TCN2: variants seen among roughly 807,000 people sequenced by gnomAD.
The protein encoded by TCN2 is transcobalamin-2.
In TCN2, 34 loss-of-function variants were observed where a neutral mutation model predicts 48.6. The ratio of observed to expected loss-of-function variants is 0.70; its 90% CI spans 0.53 to 0.93. TCN2 has a LOEUF of 0.93. TCN2 is among the 40% of genes least tolerant of loss of function. The pLI, the probability that TCN2 is intolerant of heterozygous loss-of-function variation, is 0.00. For synonymous variants in TCN2, 283 were observed against 212.5 expected (o/e 1.33, Z -2.89); for missense variants, 652 against 526.1 (o/e 1.24, Z -2.34).
chr22:30,615,622 C>A lies in TCN2; in HGVS notation c.775C>A (p.Arg259Ser). 6.2e-7 allele frequency: 1 copy of A among 1,614,124 alleles called. No homozygotes were observed. The highest frequency in any genetic ancestry group is 1.3e-5 in the African/African-American group (1 of 75,038). ...CCAGTTCCTCATGACTTCCCCCATGCGTGGGGCAGAACTGGGAACAGCATG... is the reference window on the plus strand; with the variant it reads ...CCAGTTCCTCATGACTTCCCCCATGAGTGGGGCAGAACTGGGAACAGCATG... ...ALQFLMTSPM[R>S]GAELGTACLK... The change falls in exon 6 of 9, where the codon CGT (arginine) becomes AGT (serine). Residue 259 changes from arginine to serine, a missense_variant. Coordinates refer to ENST00000215838, the MANE Select transcript of TCN2 (RefSeq NM_000355.4).
chr22:30,617,564 G>A, intron 7 of TCN2, 69 bp downstream of exon 7: 1 of 1,605,434 alleles, frequency 6.2e-7, no homozygotes, highest in South Asian at 1.1e-5. Context: ...TCACAGAAGA[G>A]ACGGGGAACA....
chr22:30,609,745 T>C (rs971146335), intron 1 of TCN2, among the ~76,000 whole-genome samples: 4 of 152,142 alleles, frequency 2.6e-5, no homozygotes, highest in African/African-American at 7.2e-5. Flanking sequence ...CAGTCTCTCT[T>C]AACATCTGGT....
rs956608022 is a variant in TCN2, at chr22:30,626,619, C to T, written c.*98C>T. ...ACAGGAACTCGCCTGACCCTGCTGC[C>T]ACCTCCTGTGCACTTTGAGCAATGC... On this transcript the variant is annotated 3_prime_UTR_variant, in exon 9 of 9. Coordinates refer to ENST00000215838, the MANE Select transcript of TCN2 (RefSeq NM_000355.4). 92 of 1,364,412 alleles carry T rather than the reference C, an allele frequency of 6.7e-5. No individual in the cohort carries two copies. Among genetic ancestry groups the T allele is most frequent in the Non-Finnish European group, 9.1e-5 (88 of 965,914 alleles). The allele number at this position is 1,364,412 out of a possible 1,614,324, so 84.5% of individuals were successfully genotyped here. A position where few individuals can be genotyped will look rare whatever the true frequency, so the allele number is the denominator to read the frequency against.
Position 30,623,973 on chromosome 22 carries a change from T to TATATACACAC in TCN2, c.1222+895_1222+896insCACACATATA, listed in dbSNP as rs2087759702. Among the ~76,000 whole-genome samples, 7 of 15,128 alleles carry TATATACACAC rather than the reference T, an allele frequency of 4.6e-4. 3 individuals carry two copies. The highest frequency in any genetic ancestry group is 7.8e-4 in the Non-Finnish European group (7 of 8,968). The allele number at this position is 15,128 out of a possible 152,430, so 9.9% of individuals were successfully genotyped here. A position where few individuals can be genotyped will look rare whatever the true frequency, so the allele number is the denominator to read the frequency against. ...ATATGTATACATATATACACACACA[T>TATATACACAC]ATATATGTATACATATATACACACA... On this transcript the variant is annotated intron_variant, in intron 8 of 8. Transcript: ENST00000215838.
intron 7 of TCN2, among the ~76,000 whole-genome samples, chr22:30,620,783 C>T (rs1281204742): frequency 6.6e-6 from 1 of 152,202 alleles, no homozygotes; most frequent in African/African-American, 2.4e-5. Flanking sequence ...ATGGATGCCT[C>T]AACTGGGTTC....
chr22:30,616,076 A>ATGG (rs2087609887), intron 6 of TCN2, among the ~76,000 whole-genome samples: 1 of 147,094 alleles, frequency 6.8e-6, no homozygotes, highest in Non-Finnish European at 1.5e-5. Context: ...TGGATGGATG[A>ATGG]GGAGAGACAC....
At position 30,623,933 on chromosome 22, in the gene TCN2, T is replaced by TATATACACACACATATATGTATAC. The variant is rs2087755660; in HGVS notation, c.1222+863_1222+864insTATATGTATACATATACACACACA. ...ATATACACACATATATATGTATACA[T>TATATACACACACATATATGTATAC]ATATACACACACACATATGTATACA... is the stretch of plus-strand genomic sequence containing the variant. On this transcript the variant is annotated intron_variant, in intron 8 of 8. Coordinates refer to ENST00000215838, the MANE Select transcript of TCN2 (RefSeq NM_000355.4). Among the ~76,000 whole-genome samples, 2 of 79,428 alleles carry TATATACACACACATATATGTATAC rather than the reference T, an allele frequency of 2.5e-5. 1 individual carries two copies. The highest frequency in any genetic ancestry group is 2.9e-4 in the Admixed American group (2 of 6,966). The allele number at this position is 79,428 out of a possible 152,430, so 52.1% of individuals were successfully genotyped here.
intron 6 of TCN2, among the ~76,000 whole-genome samples, chr22:30,616,982 A>G (rs537533326): frequency 1.4e-4 from 21 of 152,272 alleles, no homozygotes; most frequent in Admixed American, 9.2e-4. Flanking sequence ...GGTAACAGAG[A>G]TGCGTTGTGA....
rs778621929 is a variant in TCN2 at position 30,611,069 on chromosome 22, G to A, written c.257+6G>A. The A allele has an allele frequency of 1.2e-6, 2 of 1,613,998 alleles. No individual in the cohort carries two copies. Among genetic ancestry groups the A allele is most frequent in the East Asian group, 2.2e-5 (1 of 44,866 alleles). ...TACCAGCAGTGCCTCCTAGGGTATT[G>A]CCACACTCTCTTTTTCCATGTCTTG... On this transcript the variant is annotated splice_donor_region_variant and intron_variant, in intron 2 of 8. Transcript: ENST00000215838.
intron 2 of TCN2, 36 bp downstream of exon 2, chr22:30,611,099 AC>A: frequency 6.2e-7 from 1 of 1,613,314 alleles, no homozygotes; most frequent in Non-Finnish European, 8.5e-7. Context: ...GTCTTGCTCC[AC>A]ATACTAAGAG....
intron 7 of TCN2, 79 bp from the exon 8 acceptor site, chr22:30,622,889 C>T (rs1205085557): frequency 6.9e-7 from 1 of 1,450,520 alleles, no homozygotes; most frequent in East Asian, 2.3e-5. Flanking sequence ...AGGGATTTTG[C>T]TGCTGTGGGT....
chr22:30,614,585 C>T, intron 4 of TCN2, 84 bp downstream of exon 4: 1 of 1,572,374 alleles, frequency 6.4e-7, no homozygotes. Flanking sequence ...ACCCTGGCCC[C>T]CACACTCACC....
intron 8 of TCN2, chr22:30,623,341 T>C: frequency 2.1e-6 from 1 of 466,494 alleles, no homozygotes; most frequent in South Asian, 2.4e-5. Context: ...ACCTAGGATA[T>C]ACTACCTAGG....
intron 4 of TCN2, among the ~76,000 whole-genome samples, chr22:30,615,082 G>C (rs757874): frequency 6.6e-6 from 1 of 152,068 alleles, no homozygotes; most frequent in South Asian, 2.1e-4. Context: ...GCCCAGAAAT[G>C]AGCAGTTTCC....
At position 30,623,841 on chromosome 22, in the gene TCN2, C is replaced by CATGCACACATATATATGTAT. The variant is rs1162180833; in HGVS notation, c.1222+759_1222+760insTGCACACATATATATGTATA. On this transcript the variant is annotated intron_variant, in intron 8 of 8. Transcript: ENST00000215838. ...ACACACATACACACACATATACACA[C>CATGCACACATATATATGTAT]ACATACATACACATACATACACACA... 5.7e-5 allele frequency among the ~76,000 whole-genome samples: 4 copies of CATGCACACATATATATGTAT among 70,760 alleles called. 1 individual carries two copies. Among genetic ancestry groups the CATGCACACATATATATGTAT allele is most frequent in the South Asian group, 3.1e-4 (1 of 3,216 alleles). The allele number at this position is 70,760 out of a possible 152,430, so 46.4% of individuals were successfully genotyped here. A position where few individuals can be genotyped will look rare whatever the true frequency, so the allele number is the denominator to read the frequency against.
At chr22:30,617,553 G>T in intron 7 of TCN2, 58 bp downstream of exon 7, 1 of 1,611,480 alleles carries the variant, frequency 6.2e-7, no homozygotes, top group South Asian at 1.1e-5. Context: ...TGATAACAGG[G>T]TCACAGAAGA....
At chr22:30,623,487 A>T (rs1489805141) in intron 8 of TCN2, among the ~76,000 whole-genome samples, 4 of 151,798 alleles carry the variant, frequency 2.6e-5, no homozygotes, top group Non-Finnish European at 4.4e-5. Flanking sequence ...CTAGAGCCCA[A>T]GTGGTCTGCC....
intron 6 of TCN2, among the ~76,000 whole-genome samples, chr22:30,616,676 C>T (rs576756349): frequency 7.1e-4 from 108 of 151,980 alleles, no homozygotes; most frequent in Non-Finnish European, 9.4e-4. Context: ...TGGTAGACAC[C>T]TATAATCCCA....
rs2087824016 is a variant in TCN2 at position 30,627,266 on chromosome 22, A to T, written c.*745A>T. Reference sequence around the variant, plus strand: ...CACTCACTCGCTAGATACTATCTTGAACTGCTCTGTGAGGTTGTTGATATT... The same window carrying T: ...CACTCACTCGCTAGATACTATCTTGTACTGCTCTGTGAGGTTGTTGATATT... On this transcript the variant is annotated 3_prime_UTR_variant, in exon 9 of 9. Coordinates refer to ENST00000215838, the MANE Select transcript of TCN2 (RefSeq NM_000355.4). The T allele has an allele frequency of 6.5e-6, 1 of 154,276 alleles. No homozygotes were observed. Among genetic ancestry groups the T allele is most frequent in the Non-Finnish European group, 1.4e-5 (1 of 69,470 alleles). 9.6% of individuals were successfully genotyped at this position (154,276 alleles called of 1,614,324 possible).
Sources: allele counts gnomAD v4.1 joint callset (sites outside exome capture counted in the v4.1 genomes callset), GRCh38; gene constraint gnomAD v4.1.1; transcripts MANE v1.5; gene names NCBI Gene and HGNC (gene_info 2026-07-23, HGNC 2026-07-21).